The following LSM6 variants were observed in gnomAD, a reference collection of about 807,000 sequenced individuals.
LSM6 encodes U6 snRNA-associated Sm-like protein LSm6.
A neutral mutation model predicts 13.5 loss-of-function variants in LSM6; 2 were observed. The ratio of observed to expected loss-of-function variants is 0.15; its 90% CI spans 0.06 to 0.47. The LOEUF is 0.47. LSM6 is among the 20% of genes least tolerant of loss of function. The pLI is 0.97. For missense variants in LSM6, 58 were observed against 96.4 expected, an observed-to-expected ratio of 0.60 and a Z score of 1.67; for synonymous variants, 43 against 34.9, an observed-to-expected ratio of 1.23 and a Z score of -0.82.
chr4:146,182,905 G>A lies in LSM6; in HGVS notation c.-10-7G>A. 2.0e-6 allele frequency: 3 copies of A among 1,525,890 alleles called. No homozygotes were observed. Among genetic ancestry groups the A allele is most frequent in the Non-Finnish European group, 2.7e-6 (3 of 1,099,914 alleles). 94.5% of individuals were successfully genotyped at this position (1,525,890 alleles called of 1,614,324 possible). On this transcript the variant is annotated splice_polypyrimidine_tract_variant and splice_region_variant and intron_variant, in intron 1 of 3. Coordinates refer to ENST00000296581, the MANE Select transcript of LSM6 (RefSeq NM_007080.3). ...CTTTTATTGTTCCTTTTCATATTTT[G>A]ATTTAGGATTGTTAAAATGAGTCTT...
intron 1 of LSM6, among the ~76,000 whole-genome samples, chr4:146,178,200 A>G (rs1277739443): frequency 6.6e-6 from 1 of 152,186 alleles, no homozygotes; most frequent in African/African-American, 2.4e-5. Context: ...AGACTTGGGT[A>G]GTGTGCTTAG....
In LSM6 at chr4:146,189,721, T is replaced by G. The variant is rs889783164; in HGVS notation, c.*65T>G. ...TTTTTTATGAATTTTTTCTAATTTTTGCTTCTTTTGTGATACAATTTGTCC... is the reference window on the plus strand; with the variant it reads ...TTTTTTATGAATTTTTTCTAATTTTGGCTTCTTTTGTGATACAATTTGTCC... On this transcript the variant is annotated 3_prime_UTR_variant, in exon 4 of 4. Transcript: ENST00000296581. 7.7e-7 allele frequency: 1 copy of G among 1,306,634 alleles called. No individual in the cohort carries two copies. The highest frequency in any genetic ancestry group is 1.5e-5 in the African/African-American group (1 of 66,952). The allele number at this position is 1,306,634 out of a possible 1,614,324, so 80.9% of individuals were successfully genotyped here.
chr4:146,189,608 T>C lies in LSM6; in HGVS notation c.209-14T>C, dbSNP rs749836378. On this transcript the variant is annotated splice_polypyrimidine_tract_variant and intron_variant, in intron 3 of 3. Coordinates refer to ENST00000296581, the MANE Select transcript of LSM6 (RefSeq NM_007080.3). Reference sequence around the variant, plus strand: ...GTTTTTTAAATTTCAATTTATGTATTTTTTTCTTTTCAGTGTTGTACATCA... The same window carrying C: ...GTTTTTTAAATTTCAATTTATGTATCTTTTTCTTTTCAGTGTTGTACATCA... The C allele has an allele frequency of 1.9e-6, 3 of 1,570,252 alleles. No individual in the cohort carries two copies. In the South Asian group the frequency reaches 3.5e-5, roughly 18 times the overall value.
chr4:146,182,129 C>T (rs1730245726), intron 1 of LSM6, among the ~76,000 whole-genome samples: 1 of 152,060 alleles, frequency 6.6e-6, no homozygotes, highest in South Asian at 2.1e-4. Context: ...GCTGTGTGAC[C>T]TTGAGCAGAG....
intron 1 of LSM6, among the ~76,000 whole-genome samples, chr4:146,181,868 A>G (rs1489215786): frequency 6.6e-6 from 1 of 152,186 alleles, no homozygotes; most frequent in Non-Finnish European, 1.5e-5. Flanking sequence ...TTTATAAGAA[A>G]AGATGCGTTT....
rs201347883 is a variant in LSM6 at position 146,182,963 on chromosome 4, A to G, written c.42A>G (p.Gln14=). 1.2e-6 allele frequency: 2 copies of G among 1,613,694 alleles called. No individual in the cohort carries two copies. The highest frequency in any genetic ancestry group is 1.7e-6 in the Non-Finnish European group (2 of 1,179,620). ...AAACCCCTAGTGACTTCTTAAAGCA[A>G]ATCATCGGACGACCAGTTGTGGTAA... ...RKQTPSDFLK[Q]IIGRPVVVKL... The change falls in exon 2 of 4, where the codon CAA becomes CAG. Residue 14 remains glutamine (Q), a synonymous_variant. Coordinates refer to ENST00000296581, the MANE Select transcript of LSM6 (RefSeq NM_007080.3).
At chr4:146,189,096 C>T (rs373009958) in intron 3 of LSM6, among the ~76,000 whole-genome samples, 47 of 151,322 alleles carry the variant, frequency 3.1e-4, no homozygotes, top group African/African-American at 1.1e-3. Context: ...CTCAAGCAGT[C>T]CTCCCACCTC....
intron 1 of LSM6, among the ~76,000 whole-genome samples, chr4:146,177,184 A>G (rs1269326630): frequency 6.6e-6 from 1 of 152,196 alleles, no homozygotes; most frequent in Non-Finnish European, 1.5e-5. Context: ...TATCCAAGTC[A>G]CACAGCTAAT....
At chr4:146,186,450 TTTAAA>T (rs1474950780) in intron 2 of LSM6, among the ~76,000 whole-genome samples, 4 of 152,168 alleles carry the variant, frequency 2.6e-5, no homozygotes, top group Non-Finnish European at 5.9e-5. Flanking sequence ...GAAATACCAC[TTTAAA>T]TTAGAGACAG....
At chr4:146,176,303 G>A (rs1392460378) in intron 1 of LSM6, 1 of 152,292 alleles carries the variant, frequency 6.6e-6, no homozygotes, top group Non-Finnish European at 1.5e-5. Flanking sequence ...CCTGACCACA[G>A]GAATTAAAGG....
intron 1 of LSM6, among the ~76,000 whole-genome samples, chr4:146,179,276 A>G (rs1730179681): frequency 6.6e-6 from 1 of 152,232 alleles, no homozygotes; most frequent in African/African-American, 2.4e-5. Flanking sequence ...TTATGGTTCA[A>G]GAGACTCATC....
At chr4:146,183,422 C>A (rs1730274604) in intron 2 of LSM6, 1 of 185,468 alleles carries the variant, frequency 5.4e-6, no homozygotes, top group Non-Finnish European at 1.1e-5. Flanking sequence ...CCTGAATGTC[C>A]CACTCATATA....
intron 1 of LSM6, among the ~76,000 whole-genome samples, chr4:146,179,953 C>A (rs968905669): frequency 1.3e-5 from 2 of 152,240 alleles, no homozygotes; most frequent in Non-Finnish European, 2.9e-5. Flanking sequence ...GTTTGGGAAA[C>A]TGACCCAGAG....
At chr4:146,188,267 ACCT>A (rs1338460594) in intron 3 of LSM6, among the ~76,000 whole-genome samples, 4 of 151,604 alleles carry the variant, frequency 2.6e-5, no homozygotes, top group South Asian at 4.2e-4. Context: ...TCCTTATTTG[ACCT>A]CCTCTTTTTC....
At chr4:146,177,018 T>C (rs1730125728) in intron 1 of LSM6, among the ~76,000 whole-genome samples, 1 of 139,108 alleles carries the variant, frequency 7.2e-6, no homozygotes, top group Admixed American at 7.0e-5. Context: ...TTGAGAGGCT[T>C]GTGTTTGTGG....
intron 3 of LSM6, 145 bp from the exon 4 acceptor site, chr4:146,189,477 C>A: frequency 1.6e-6 from 1 of 632,446 alleles, no homozygotes; most frequent in Non-Finnish European, 2.8e-6. Flanking sequence ...TCTTACAGTA[C>A]TTCTAGAGTT....
In LSM6 at chr4:146,182,966, C is replaced by G. The variant is rs757224808; in HGVS notation, c.45C>G (p.Ile15Met). ...CCCCTAGTGACTTCTTAAAGCAAAT[C>G]ATCGGACGACCAGTTGTGGTAAAAT... The part of the protein sequence containing the change: ...KQTPSDFLKQ[I>M]IGRPVVVKLN... Residue 15 changes from isoleucine (I) to methionine (M), a missense_variant, in exon 2 of 4, where the codon ATC becomes ATG. By Grantham distance (10) the Ile-to-Met change is conservative. This residue lies in a region of LSM6 where 28 missense variants were observed against 32.6 expected (regional missense o/e 0.86). Transcript: ENST00000296581. 1.2e-6 allele frequency: 2 copies of G among 1,613,402 alleles called. No homozygotes were observed. Among genetic ancestry groups the G allele is most frequent in the Non-Finnish European group, 1.7e-6 (2 of 1,179,578 alleles).
At position 146,189,605 on chromosome 4, in the gene LSM6, T is replaced by C. The variant is rs1324360020; in HGVS notation, c.209-17T>C. On this transcript the variant is annotated splice_polypyrimidine_tract_variant and intron_variant, in intron 3 of 3. Coordinates refer to ENST00000296581, the MANE Select transcript of LSM6 (RefSeq NM_007080.3). ...AGGGTTTTTTAAATTTCAATTTATG[T>C]ATTTTTTTCTTTTCAGTGTTGTACA... is the stretch of plus-strand genomic sequence containing the variant. 6.4e-7 allele frequency: 1 copy of C among 1,556,260 alleles called. No individual in the cohort carries two copies. The highest frequency in any genetic ancestry group is 1.2e-5 in the South Asian group (1 of 85,472).
chr4:146,187,505 A>G, intron 3 of LSM6, 118 bp downstream of exon 3: 1 of 596,350 alleles, frequency 1.7e-6, no homozygotes, highest in Non-Finnish European at 2.9e-6. Context: ...GATTATTTTA[A>G]AATGCTTATA....
Sources: gnomAD v4.1 joint callset for allele counts (sites outside exome capture counted in the v4.1 genomes callset) on GRCh38, gnomAD v4.1.1 for gene constraint, gnomAD v4.1.1 regional missense constraint, MANE v1.5 for transcripts, NCBI Gene and HGNC (gene_info 2026-07-23, HGNC 2026-07-21) for gene names.